The following SERPINA12 variants were observed in gnomAD, a reference collection of about 807,000 sequenced individuals.
SERPINA12 encodes serpin family A member 12.
A neutral mutation model predicts 25.9 loss-of-function variants in SERPINA12; 21 were observed. That is an observed-to-expected ratio of 0.81 (90% CI 0.58 to 1.17). SERPINA12 has a LOEUF of 1.17. SERPINA12 is among the 50% of genes most tolerant of loss of function. SERPINA12 has a pLI of 0.00. For synonymous variants in SERPINA12, 220 were observed against 196.0 expected (o/e 1.12, Z -1.02); for missense variants, 562 against 508.3 (o/e 1.11, Z -1.02).
chr14:94,504,938 A>G (rs915410407), intron 1 of SERPINA12, among the ~76,000 whole-genome samples: 1 of 152,260 alleles, frequency 6.6e-6, no homozygotes, highest in Non-Finnish European at 1.5e-5. Flanking sequence ...CTTCAGTTTT[A>G]CCACTTGGAG....
Position 94,496,615 on chromosome 14 carries a change from A to T in SERPINA12, c.663T>A (p.Asn221Lys). 1.2e-6 allele frequency: 2 copies of T among 1,614,076 alleles called. No homozygotes were observed. The highest frequency in any genetic ancestry group is 1.7e-6 in the Non-Finnish European group (2 of 1,179,948). ...RARWKHEFDP[N>K]VTKEEDFFLE... Reference sequence around the variant, plus strand: ...GAAAGAAATCTTCCTCTTTAGTTACATTTGGATCAAACTCATGTTTCCACC... The same window carrying T: ...GAAAGAAATCTTCCTCTTTAGTTACTTTTGGATCAAACTCATGTTTCCACC... The change falls in exon 3 of 5, where the codon AAT becomes AAA. Residue 221 changes from asparagine to lysine, a missense_variant. Coordinates refer to ENST00000677451, the MANE Select transcript of SERPINA12 (RefSeq NM_001382267.1).
chr14:94,513,056 G>A (rs777705536), upstream of SERPINA12, among the ~76,000 whole-genome samples: 5 of 152,214 alleles, frequency 3.3e-5, no homozygotes, highest in East Asian at 1.9e-4. Context: ...GGGTAGCTCT[G>A]GAAGCAGCCA....
At chr14:94,516,887 C>T (rs2077911) in intron 1 of SERPINA12, among the ~76,000 whole-genome samples, 15,107 of 152,116 alleles carry the variant, frequency 0.099, 937 homozygotes, top group Middle Eastern at 0.21. Context: ...CAGGCAGGCA[C>T]CTAGGGAGGG....
chr14:94,511,815 G>T, upstream of SERPINA12: 1 of 748,520 alleles, frequency 1.3e-6, no homozygotes, highest in Non-Finnish European at 1.6e-6. Context: ...ACCAGGGAAG[G>T]GACAGACACT....
chr14:94,502,896 A>C (rs1900788873), intron 1 of SERPINA12, among the ~76,000 whole-genome samples: 1 of 151,982 alleles, frequency 6.6e-6, no homozygotes, highest in Non-Finnish European at 1.5e-5. Flanking sequence ...TGCCCCAGGA[A>C]CCCCAGGCCC....
chr14:94,503,413 G>T, intron 1 of SERPINA12: 1 of 615,992 alleles, frequency 1.6e-6, no homozygotes, highest in Non-Finnish European at 2.0e-6. Context: ...TGGGGCACTA[G>T]AGCAATGCCC....
chr14:94,504,830 C>CT (rs2139860710), intron 1 of SERPINA12, among the ~76,000 whole-genome samples: 1 of 152,272 alleles, frequency 6.6e-6, no homozygotes, highest in Non-Finnish European at 1.5e-5. Context: ...CTGCCTCCCC[C>CT]TTACTTTTCT....
At chr14:94,511,615 G>A, upstream of SERPINA12, 1 of 985,414 alleles carries the variant, frequency 1.0e-6, no homozygotes, top group Non-Finnish European at 1.2e-6. Flanking sequence ...CCATCTCTGA[G>A]CCATTCGACT....
chr14:94,506,468 T>A (rs921798402), intron 1 of SERPINA12, among the ~76,000 whole-genome samples: 1 of 152,160 alleles, frequency 6.6e-6, no homozygotes, highest in African/African-American at 2.4e-5. Context: ...GACTGTGTCA[T>A]AGATGGGGCA....
rs77985077 is a variant in SERPINA12, at chr14:94,495,642, A to G, written c.905+731T>C. Among the ~76,000 whole-genome samples, 216 of 152,260 alleles carry G rather than the reference A, an allele frequency of 1.4e-3. 2 individuals carry two copies. Among genetic ancestry groups the G allele is most frequent in the African/African-American group, 4.0e-3 (165 of 41,530 alleles). ...AAGGTGGAAGAGGGAAAGAGAACAGAGAAGAGGACATCTGACACCTGTCCA... is the reference window on the plus strand; with the variant it reads ...AAGGTGGAAGAGGGAAAGAGAACAGGGAAGAGGACATCTGACACCTGTCCA... On this transcript the variant is annotated intron_variant, in intron 3 of 4. Coordinates refer to ENST00000677451, the MANE Select transcript of SERPINA12 (RefSeq NM_001382267.1).
intron 1 of SERPINA12, among the ~76,000 whole-genome samples, chr14:94,506,028 A>G (rs1900919954): frequency 6.6e-6 from 1 of 152,100 alleles, no homozygotes; most frequent in South Asian, 2.1e-4. Flanking sequence ...CCATTAAGGG[A>G]CCTCAGCCTA....
At chr14:94,487,521 G>A in intron 4 of SERPINA12, 27 bp from the exon 5 acceptor site, 1 of 1,581,180 alleles carries the variant, frequency 6.3e-7, no homozygotes, top group Middle Eastern at 2.0e-4. Context: ...CAAAGTCAAG[G>A]TCTGCCAAGC....
At chr14:94,496,288 G>T in intron 3 of SERPINA12, 85 bp downstream of exon 3, 1 of 1,341,120 alleles carries the variant, frequency 7.5e-7, no homozygotes, top group Non-Finnish European at 1.1e-6. Context: ...AAGAGGACTT[G>T]GCCATGAGGT....
At chr14:94,490,320 C>A (rs147364924) in intron 3 of SERPINA12, among the ~76,000 whole-genome samples, 1 of 152,128 alleles carries the variant, frequency 6.6e-6, no homozygotes, top group African/African-American at 2.4e-5. Context: ...ACAGTTGGTG[C>A]GTAGCAGGTG....
At chr14:94,488,392 C>T (rs74348708) in intron 4 of SERPINA12, among the ~76,000 whole-genome samples, 407 of 151,972 alleles carry the variant, frequency 2.7e-3, no homozygotes, top group African/African-American at 9.2e-3. Context: ...TCCATGATAT[C>T]CAAAAACCCC....
intron 1 of SERPINA12, among the ~76,000 whole-genome samples, chr14:94,502,024 A>ATGTGTGTG (rs10626991): frequency 2.2e-4 from 32 of 144,704 alleles, no homozygotes; most frequent in African/African-American, 8.1e-4. Context: ...TTAGTTTGGA[A>ATGTGTGTG]TGTGTGTGTG....
chr14:94,499,352 C>T (rs1364303188), intron 1 of SERPINA12, among the ~76,000 whole-genome samples: 1 of 152,154 alleles, frequency 6.6e-6, no homozygotes, highest in Non-Finnish European at 1.5e-5. Context: ...TGACATCTTC[C>T]AACGGCCACT....
At chr14:94,501,077 G>A in intron 1 of SERPINA12, 1 of 985,370 alleles carries the variant, frequency 1.0e-6, no homozygotes, top group Non-Finnish European at 1.2e-6. Context: ...ATGGGCTGCT[G>A]AAAACAGATT....
intron 1 of SERPINA12, among the ~76,000 whole-genome samples, chr14:94,498,820 G>A (rs1900586381): frequency 6.6e-6 from 1 of 152,188 alleles, no homozygotes. Context: ...AGATGAGAGT[G>A]TGGACCAAAA....
Sources: allele counts gnomAD v4.1 joint callset (sites outside exome capture counted in the v4.1 genomes callset), GRCh38; gene constraint gnomAD v4.1.1; transcripts MANE v1.5; gene names NCBI Gene and HGNC (gene_info 2026-07-23, HGNC 2026-07-21).